FBXL7: variants seen among roughly 807,000 people sequenced by gnomAD.
FBXL7 encodes F-box and leucine rich repeat protein 7, also known as F-box/LRR-repeat protein 7.
Under a neutral mutation model 38.3 loss-of-function variants are expected in FBXL7, and 12 were observed. That is an observed-to-expected ratio of 0.31 (90% CI 0.20 to 0.51). FBXL7 has a LOEUF of 0.51. Ranked by LOEUF, FBXL7 falls within the 20% of genes least tolerant of loss-of-function variation. FBXL7 has a pLI of 0.98. For synonymous variants in FBXL7, 297 were observed against 300.9 expected, an observed-to-expected ratio of 0.99 and a Z score of 0.13; for missense variants, 567 against 676.4, an observed-to-expected ratio of 0.84 and a Z score of 1.79.
At chr5:15,801,314 A>G (rs1391023496) in intron 2 of FBXL7, among the ~76,000 whole-genome samples, 2 of 152,206 alleles carry the variant, frequency 1.3e-5, no homozygotes, top group Non-Finnish European at 2.9e-5. Context: ...ATAAAGGACA[A>G]TGGTAACTTA....
At chr5:15,932,272 G>T (rs552103322) in intron 3 of FBXL7, among the ~76,000 whole-genome samples, 1 of 152,112 alleles carries the variant, frequency 6.6e-6, no homozygotes, top group Admixed American at 6.6e-5. Context: ...AGGGAACCAC[G>T]TAGGAGGCAC....
intron 1 of FBXL7, among the ~76,000 whole-genome samples, chr5:15,596,654 C>G (rs1739633368): frequency 6.6e-6 from 1 of 152,222 alleles, no homozygotes; most frequent in Admixed American, 6.5e-5. Flanking sequence ...ACTTTATTTC[C>G]CCTACATTCT....
At chr5:15,799,965 G>T (rs1361810401) in intron 2 of FBXL7, among the ~76,000 whole-genome samples, 2 of 151,978 alleles carry the variant, frequency 1.3e-5, no homozygotes, top group Non-Finnish European at 2.9e-5. Flanking sequence ...CTAAAATCAC[G>T]GTCCAGCAAT....
intron 2 of FBXL7, among the ~76,000 whole-genome samples, chr5:15,835,942 T>C (rs1259929379): frequency 2.0e-5 from 3 of 152,160 alleles, no homozygotes; most frequent in Non-Finnish European, 4.4e-5. Flanking sequence ...CTGGGCAGGA[T>C]TTTAGACACA....
intron 1 of FBXL7, among the ~76,000 whole-genome samples, chr5:15,543,237 GGCAAAGGGGAA>G (rs1229908666): frequency 6.6e-6 from 1 of 152,156 alleles, no homozygotes; most frequent in African/African-American, 2.4e-5. Flanking sequence ...CATGGCAGAA[GGCAAAGGGGAA>G]GCAAAGGTAC....
At chr5:15,830,737 T>C (rs1352082223) in intron 2 of FBXL7, among the ~76,000 whole-genome samples, 1 of 152,156 alleles carries the variant, frequency 6.6e-6, no homozygotes, top group Non-Finnish European at 1.5e-5. Flanking sequence ...TTATGTTTAT[T>C]AGTCACATGT....
rs77001857 is a variant in FBXL7, at chr5:15,541,856, G to C, written c.37+41143G>C. Reference sequence around the variant, plus strand: ...CACCATGCCTGGCTCCCACTCACCTGTCTTGGTAGCCCTTGTCATTACCTT... The same window carrying C: ...CACCATGCCTGGCTCCCACTCACCTCTCTTGGTAGCCCTTGTCATTACCTT... On this transcript the variant is annotated intron_variant, in intron 1 of 3. Transcript: ENST00000504595. Among the ~76,000 whole-genome samples the C allele has an allele frequency of 9.7e-3, 1,470 of 151,886 alleles. 24 individuals are homozygous for C. Among genetic ancestry groups the C allele is most frequent in the African/African-American group, 0.033 (1,369 of 41,434 alleles).
At chr5:15,756,049 A>G (rs1304399262) in intron 2 of FBXL7, among the ~76,000 whole-genome samples, 1 of 152,200 alleles carries the variant, frequency 6.6e-6, no homozygotes, top group Non-Finnish European at 1.5e-5. Context: ...ACTAAATAAC[A>G]TGTAAATTGG....
At chr5:15,785,063 C>A (rs1193107308) in intron 2 of FBXL7, among the ~76,000 whole-genome samples, 1 of 152,092 alleles carries the variant, frequency 6.6e-6, no homozygotes, top group Non-Finnish European at 1.5e-5. Context: ...CATGATGAGC[C>A]AAACTTCTGT....
intron 2 of FBXL7, among the ~76,000 whole-genome samples, chr5:15,733,385 C>CT (rs34140654): frequency 0.75 from 113,877 of 152,048 alleles, 42,856 homozygotes; most frequent in East Asian, 0.88. Context: ...GCCACCGCCC[C>CT]GGCCAGAAAT....
chr5:15,563,315 A>G (rs925147759), intron 1 of FBXL7, among the ~76,000 whole-genome samples: 2 of 152,162 alleles, frequency 1.3e-5, no homozygotes, highest in African/African-American at 4.8e-5. Context: ...CTGGCACTCC[A>G]TACCTACTTC....
chr5:15,541,416 A>G (rs1737741011), intron 1 of FBXL7, among the ~76,000 whole-genome samples: 4 of 133,576 alleles, frequency 3.0e-5, no homozygotes, highest in Non-Finnish European at 4.7e-5. Flanking sequence ...GTGTATATAT[A>G]TACATATAGT....
At chr5:15,537,813 A>C (rs1230035452) in intron 1 of FBXL7, among the ~76,000 whole-genome samples, 1 of 152,236 alleles carries the variant, frequency 6.6e-6, no homozygotes, top group African/African-American at 2.4e-5. Flanking sequence ...CACTGGTTTT[A>C]GATGGTGTCA....
chr5:15,835,555 A>G lies in FBXL7; in HGVS notation c.128-92335A>G, dbSNP rs1738572222. Among the ~76,000 whole-genome samples the G allele has an allele frequency of 2.0e-5, 3 of 152,298 alleles. No individual in the cohort carries two copies. In the South Asian group the frequency reaches 6.2e-4, roughly 32 times the overall value. On this transcript the variant is annotated intron_variant, in intron 2 of 3. Transcript: ENST00000504595. ...GCGTTTTACTTGACACATGCTTCTC[A>G]GCTTCACAGTATCCTGGAAGAGTGG... is the stretch of plus-strand genomic sequence containing the variant.
chr5:15,750,128 T>C (rs1736118641), intron 2 of FBXL7, among the ~76,000 whole-genome samples: 1 of 152,186 alleles, frequency 6.6e-6, no homozygotes, highest in Non-Finnish European at 1.5e-5. Context: ...TTTAGGTGCT[T>C]GAGTATACCA....
chr5:15,759,565 A>G (rs909645227), intron 2 of FBXL7, among the ~76,000 whole-genome samples: 7 of 152,274 alleles, frequency 4.6e-5, no homozygotes, highest in Middle Eastern at 3.4e-3. Flanking sequence ...TAAAATATAT[A>G]TTTTTAAATT....
chr5:15,889,331 G>A (rs1740808390), intron 2 of FBXL7, among the ~76,000 whole-genome samples: 1 of 152,154 alleles, frequency 6.6e-6, no homozygotes, highest in Non-Finnish European at 1.5e-5. Flanking sequence ...AAGATTCCTT[G>A]CTGTGTGACT....
intron 1 of FBXL7, among the ~76,000 whole-genome samples, chr5:15,611,117 C>G (rs1231373866): frequency 6.6e-6 from 1 of 152,100 alleles, no homozygotes; most frequent in Non-Finnish European, 1.5e-5. Context: ...TGCCTACTTG[C>G]TAAAATTTAT....
At chr5:15,897,925 A>G (rs1194567747) in intron 2 of FBXL7, among the ~76,000 whole-genome samples, 1 of 152,230 alleles carries the variant, frequency 6.6e-6, no homozygotes, top group Non-Finnish European at 1.5e-5. Context: ...GGAGGCCATC[A>G]CTATCAATAT....
Sources: gnomAD v4.1 joint callset for allele counts (sites outside exome capture counted in the v4.1 genomes callset) on GRCh38, gnomAD v4.1.1 for gene constraint, MANE v1.5 for transcripts, NCBI Gene and HGNC (gene_info 2026-07-23, HGNC 2026-07-21) for gene names.